Variants in EGFR observed in about 807,000 individuals in gnomAD.
EGFR encodes avian erythroblastic leukemia viral (v-erb-b) oncogene homolog.
Under a neutral mutation model 143.0 loss-of-function variants are expected in EGFR, and 58 were observed. That is an observed-to-expected ratio of 0.41 (90% CI 0.33 to 0.50). The LOEUF is 0.50. Among genes scored for constraint, EGFR ranks in the 20% least tolerant of loss-of-function variants. The pLI is 0.39. For synonymous variants in EGFR, 613 were observed against 594.4 expected, an observed-to-expected ratio of 1.03 and a Z score of -0.45; for missense variants, 1,307 against 1,579.0, an observed-to-expected ratio of 0.83 and a Z score of 2.92.
rs546346931 is a variant in EGFR, at chr7:55,024,819, A to C, written c.88+5454A>C. Among the ~76,000 whole-genome samples the C allele has an allele frequency of 4.6e-5, 7 of 152,286 alleles. No individual in the cohort carries two copies. In the South Asian group the frequency reaches 1.5e-3, roughly 32 times the overall value. On this transcript the variant is annotated intron_variant, in intron 1 of 27. Coordinates refer to ENST00000275493, the MANE Select transcript of EGFR (RefSeq NM_005228.5). ...CAACTGGGGAAAGAGAGCTAGAGAT[A>C]ATAAGTGTGAAACAATGTCACAGAA...
intron 1 of EGFR, among the ~76,000 whole-genome samples, chr7:55,048,370 G>T (rs187729043): frequency 1.3e-5 from 2 of 152,296 alleles, no homozygotes; most frequent in East Asian, 3.9e-4. Context: ...TGAGGTTGGC[G>T]AAGTTTAGGT....
chr7:55,033,372 G>A (rs541355269), intron 1 of EGFR, among the ~76,000 whole-genome samples: 7 of 152,258 alleles, frequency 4.6e-5, no homozygotes, highest in African/African-American at 1.4e-4. Context: ...GGGAGGTGAC[G>A]TGATGTGCAC....
Position 55,161,484 on chromosome 7 carries a change from A to T in EGFR, c.1499-15A>T, listed in dbSNP as rs17336793. 5 of 1,612,536 alleles carry T rather than the reference A, an allele frequency of 3.1e-6. No individual in the cohort carries two copies. Among genetic ancestry groups the T allele is most frequent in the Non-Finnish European group, 3.4e-6 (4 of 1,179,564 alleles). ...GCTCTGTCACTGACTGCTGTGACCCACTCTGTCTCCGCAGAGGCCACAGGC... is the reference window on the plus strand; with the variant it reads ...GCTCTGTCACTGACTGCTGTGACCCTCTCTGTCTCCGCAGAGGCCACAGGC... On this transcript the variant is annotated splice_polypyrimidine_tract_variant and intron_variant, in intron 12 of 27. Coordinates refer to ENST00000275493, the MANE Select transcript of EGFR (RefSeq NM_005228.5).
intron 1 of EGFR, among the ~76,000 whole-genome samples, chr7:55,055,894 A>G (rs994022678): frequency 6.6e-6 from 1 of 151,904 alleles, no homozygotes; most frequent in Non-Finnish European, 1.5e-5. Context: ...TGCCATGTTC[A>G]CCACAGTGCT....
intron 13 of EGFR, among the ~76,000 whole-genome samples, chr7:55,162,990 C>T (rs1412425856): frequency 6.6e-6 from 1 of 152,206 alleles, no homozygotes; most frequent in African/African-American, 2.4e-5. Context: ...CGGGGTTTCA[C>T]CACGTTGGCC....
intron 1 of EGFR, among the ~76,000 whole-genome samples, chr7:55,066,268 C>T (rs951865486): frequency 6.6e-6 from 1 of 152,116 alleles, no homozygotes; most frequent in Admixed American, 6.5e-5. Context: ...AAATTAATAC[C>T]GTGGTCATAA....
intron 24 of EGFR, 118 bp downstream of exon 24, chr7:55,200,531 C>T (rs1156595395): frequency 3.9e-6 from 4 of 1,032,114 alleles, no homozygotes; most frequent in Non-Finnish European, 6.0e-6. Flanking sequence ...ATTATTAAAC[C>T]CTCCAGCGCA....
chr7:55,113,666 T>C (rs372264751), intron 1 of EGFR, among the ~76,000 whole-genome samples: 53 of 152,334 alleles, frequency 3.5e-4, no homozygotes, highest in Admixed American at 8.5e-4. Context: ...CTTAGAACTC[T>C]AGTTTTTGTT....
At chr7:55,127,485 C>T (rs1377006088) in intron 1 of EGFR, among the ~76,000 whole-genome samples, 3 of 147,258 alleles carry the variant, frequency 2.0e-5, no homozygotes, top group Non-Finnish European at 4.5e-5. Context: ...CACACAACAT[C>T]TGCAATTCTT....
rs1480638792 is a variant in EGFR at position 55,198,826 on chromosome 7, C to T, written c.2811C>T (p.Pro937=). 6.2e-7 allele frequency: 1 copy of T among 1,614,226 alleles called. No individual in the cohort carries two copies. Among genetic ancestry groups the T allele is most frequent in the Non-Finnish European group, 8.5e-7 (1 of 1,180,034 alleles). ...LEKGERLPQP[P]ICTIDVYMIM... ...AAGGAGAACGCCTCCCTCAGCCACC[C>T]ATATGTACCATCGATGTCTACATGA... The change falls in exon 23 of 28, where the codon CCC becomes CCT. Residue 937 remains proline (P), a synonymous_variant. Coordinates refer to ENST00000275493, the MANE Select transcript of EGFR (RefSeq NM_005228.5).
At chr7:55,181,045 C>G (rs1229932078) in intron 19 of EGFR, 1 of 588,590 alleles carries the variant, frequency 1.7e-6, no homozygotes, top group East Asian at 2.8e-5. Context: ...CCACTGTTGC[C>G]TGGGCCTCTC....
At chr7:55,100,844 G>T (rs1362449570) in intron 1 of EGFR, among the ~76,000 whole-genome samples, 1 of 152,236 alleles carries the variant, frequency 6.6e-6, no homozygotes, top group Non-Finnish European at 1.5e-5. Flanking sequence ...TTGAACACTT[G>T]GATGACAGGG....
intron 20 of EGFR, chr7:55,182,208 C>T (rs1283627042): frequency 1.3e-5 from 2 of 154,378 alleles, no homozygotes; most frequent in African/African-American, 4.8e-5. Flanking sequence ...CTATTTTTTT[C>T]TAACAATGGG....
At chr7:55,028,179 T>C (rs926368275) in intron 1 of EGFR, among the ~76,000 whole-genome samples, 1 of 151,924 alleles carries the variant, frequency 6.6e-6, no homozygotes, top group Non-Finnish European at 1.5e-5. Context: ...GATGACGTCA[T>C]GATTGTTTTA....
intron 22 of EGFR, among the ~76,000 whole-genome samples, chr7:55,196,195 C>CTTTTTTTTTTTTT (rs1331766673): frequency 3.2e-3 from 174 of 55,220 alleles, no homozygotes; most frequent in Middle Eastern, 0.011. Flanking sequence ...TTTTTTTTTA[C>CTTTTTTTTTTTTT]TTTTCAATAA....
chr7:55,060,778 T>G (rs903882975), intron 1 of EGFR, among the ~76,000 whole-genome samples: 8 of 152,202 alleles, frequency 5.3e-5, no homozygotes, highest in African/African-American at 1.7e-4. Context: ...GAGTAGGTTT[T>G]GGGGCTCTGG....
intron 20 of EGFR, among the ~76,000 whole-genome samples, chr7:55,183,547 G>T (rs755373260): frequency 4.6e-5 from 7 of 152,158 alleles, no homozygotes; most frequent in Non-Finnish European, 8.8e-5. Context: ...TGGGGAGGGG[G>T]TGGTCAGCCT....
chr7:55,128,604 T>C (rs1481000158), intron 1 of EGFR, among the ~76,000 whole-genome samples: 1 of 152,210 alleles, frequency 6.6e-6, no homozygotes, highest in Non-Finnish European at 1.5e-5. Context: ...TAATTAATAA[T>C]GAAGCAAAGC....
chr7:55,196,487 A>G (rs1357079228), intron 22 of EGFR, among the ~76,000 whole-genome samples: 1 of 151,970 alleles, frequency 6.6e-6, no homozygotes, highest in Non-Finnish European at 1.5e-5. Context: ...CACTCTGATG[A>G]TAGTTTCTTT....
Sources: allele counts gnomAD v4.1 joint callset (sites outside exome capture counted in the v4.1 genomes callset), GRCh38; gene constraint gnomAD v4.1.1; transcripts MANE v1.5; gene names NCBI Gene and HGNC (gene_info 2026-07-23, HGNC 2026-07-21).